RELT: variants seen among roughly 807,000 people sequenced by gnomAD.
The protein encoded by RELT is tumor necrosis factor receptor superfamily member 19L.
A neutral mutation model predicts 51.1 loss-of-function variants in RELT; 37 were observed. That is an observed-to-expected ratio of 0.72 (90% CI 0.56 to 0.95). RELT has a LOEUF of 0.95. Among genes scored for constraint, RELT ranks in the 40% least tolerant of loss-of-function variants. The pLI is 0.00. For synonymous variants in RELT, 241 were observed against 235.7 expected, an observed-to-expected ratio of 1.02 and a Z score of -0.21; for missense variants, 535 against 572.6, an observed-to-expected ratio of 0.93 and a Z score of 0.67.
Position 73,392,362 on chromosome 11 carries a change from C to T in RELT, c.519C>T (p.Cys173=), listed in dbSNP as rs139753620. 323 of 1,613,868 alleles carry T rather than the reference C, an allele frequency of 2.0e-4. 1 individual carries two copies. In the African/African-American group the frequency reaches 3.5e-3, roughly 17 times the overall value. The stretch of plus-strand genomic sequence containing the variant: ...TCATCGCCATCGTCCCTGTCTTCTG[C>T]CTCATGGGGCTGTTGGGCATCCTGG... ...YAVIAIVPVF[C]LMGLLGILVC... is the part of the protein sequence containing the mutation. The change falls in exon 6 of 11, where the codon TGC becomes TGT. Residue 173 remains cysteine (C), a synonymous_variant. Transcript: ENST00000064780.
At position 73,394,673 on chromosome 11, in the gene RELT, G is replaced by T. The variant is rs1353109536; in HGVS notation, c.985G>T (p.Val329Phe). 6.2e-7 allele frequency: 1 copy of T among 1,613,674 alleles called. No individual in the cohort carries two copies. The highest frequency in any genetic ancestry group is 8.5e-7 in the Non-Finnish European group (1 of 1,180,014). The stretch of plus-strand genomic sequence containing the variant: ...CAGCCTTCTGCCTAACCCGACCAGG[G>T]TTCCCAAGGCCGGGGCCAAGGCAGG... ...VPSLLPNPTR[V>F]PKAGAKAGRQ... The change falls in exon 9 of 11, where the codon GTT becomes TTT. Residue 329 changes from valine (V) to phenylalanine (F), a missense_variant. Transcript: ENST00000064780. This position sits in a 1 kb window ranked among gnomAD's most constrained non-coding sequence, Gnocchi z 4.9.
At chr11:73,377,269 A>AGTGTGTGTGTGTGTGTGT (rs369117500) in intron 1 of RELT, among the ~76,000 whole-genome samples, 9,144 of 146,012 alleles carry the variant, frequency 0.063, 331 homozygotes, top group African/African-American at 0.067. Context: ...AAGTGGTGTC[A>AGTGTGTGTGTGTGTGTGT]GTGTGTGTGT....
intron 5 of RELT, 142 bp downstream of exon 5, chr11:73,391,365 G>C: frequency 1.3e-6 from 1 of 743,018 alleles, no homozygotes; most frequent in African/African-American, 1.8e-5. Context: ...GCAGCCAAAG[G>C]GTCTCCAGCA....
intron 4 of RELT, 52 bp from the exon 5 acceptor site, chr11:73,391,092 G>A: frequency 6.3e-7 from 1 of 1,584,112 alleles, no homozygotes; most frequent in Non-Finnish European, 8.7e-7. Flanking sequence ...CTCTCCTAAG[G>A]ATAGTGTTTG....
Position 73,397,427 on chromosome 11 carries a change from C to T in RELT, c.*1936C>T, listed in dbSNP as rs966299615. On this transcript the variant is annotated 3_prime_UTR_variant, in exon 11 of 11. Coordinates refer to ENST00000064780, the MANE Select transcript of RELT (RefSeq NM_152222.2). ...GGGCCGCATGTGGCCCAGGATATGG[C>T]TTTGAATGGGGCCTAACACAAATTC... 1 of 152,378 alleles carries T rather than the reference C, an allele frequency of 6.6e-6. No homozygotes were observed. The highest frequency in any genetic ancestry group is 2.1e-4 in the South Asian group (1 of 4,834). 9.4% of individuals were successfully genotyped at this position (152,378 alleles called of 1,614,324 possible).
intron 2 of RELT, 58 bp from the exon 3 acceptor site, chr11:73,390,493 C>A: frequency 1.3e-6 from 2 of 1,493,896 alleles, no homozygotes; most frequent in Non-Finnish European, 1.9e-6. Flanking sequence ...GGATAGATGA[C>A]CCCAGAGACC....
chr11:73,393,149 A>C (rs766743145), intron 6 of RELT: 46 of 998,976 alleles, frequency 4.6e-5, no homozygotes, highest in Middle Eastern at 1.0e-3. Flanking sequence ...TGGGAGCCAG[A>C]GACCCTTCTA....
intron 1 of RELT, among the ~76,000 whole-genome samples, chr11:73,382,573 T>C (rs1237327102): frequency 1.3e-5 from 2 of 152,160 alleles, no homozygotes; most frequent in Non-Finnish European, 2.9e-5. Flanking sequence ...GCAGTGGAGA[T>C]ACCAGGCCTG....
intron 1 of RELT, among the ~76,000 whole-genome samples, chr11:73,387,958 C>T (rs1331281177): frequency 2.0e-5 from 3 of 152,212 alleles, no homozygotes; most frequent in East Asian, 3.8e-4. Flanking sequence ...CAGCCTCGTG[C>T]CCCTGAAGCC....
intron 6 of RELT, chr11:73,393,553 C>A (rs1246405717): frequency 1.5e-6 from 2 of 1,369,002 alleles, no homozygotes; most frequent in Non-Finnish European, 1.9e-6. Context: ...TGACGCACCG[C>A]CCCCTCGCCC....
intron 1 of RELT, among the ~76,000 whole-genome samples, chr11:73,381,139 G>T (rs774259782): frequency 3.3e-5 from 5 of 152,188 alleles, no homozygotes; most frequent in Non-Finnish European, 5.9e-5. Flanking sequence ...AGGTCTGCTG[G>T]CCTTGAAGAC....
chr11:73,380,121 C>T (rs1318993697), intron 1 of RELT, among the ~76,000 whole-genome samples: 4 of 152,184 alleles, frequency 2.6e-5, no homozygotes, highest in African/African-American at 9.6e-5. Flanking sequence ...GTTTGGGGCA[C>T]CTGTGGGTAC....
intron 1 of RELT, among the ~76,000 whole-genome samples, chr11:73,380,452 C>G (rs1322724787): frequency 6.6e-6 from 1 of 152,188 alleles, no homozygotes; most frequent in Non-Finnish European, 1.5e-5. Context: ...GTGCCAGGCT[C>G]TGGGCCCAGC....
chr11:73,392,075 C>A, intron 5 of RELT, 136 bp from the exon 6 acceptor site: 1 of 1,020,112 alleles, frequency 9.8e-7, no homozygotes, highest in Non-Finnish European at 1.4e-6. Context: ...CTTTGCATCC[C>A]CAGCATGGCG....
intron 1 of RELT, among the ~76,000 whole-genome samples, chr11:73,380,729 G>C (rs1340946851): frequency 6.6e-6 from 1 of 152,214 alleles, no homozygotes; most frequent in East Asian, 1.9e-4. Context: ...CTTCTGTTAT[G>C]GGGCCAGCCC....
chr11:73,393,676 C>A (rs745714150), intron 6 of RELT, 161 bp from the exon 7 acceptor site: 14 of 1,586,430 alleles, frequency 8.8e-6, no homozygotes, highest in Non-Finnish European at 1.2e-5. Context: ...TTCTCTGAGC[C>A]TGGATCCCAC....
In RELT at chr11:73,394,539, T is replaced by G. The variant is rs1439533049; in HGVS notation, c.851T>G (p.Val284Gly). 1 of 1,611,652 alleles carries G rather than the reference T, an allele frequency of 6.2e-7. No homozygotes were observed. Residue 284 changes from valine to glycine, a missense_variant, in exon 9 of 11, where the codon GTG becomes GGG. Val to Gly is a moderately radical substitution (Grantham distance 109). Coordinates refer to ENST00000064780, the MANE Select transcript of RELT (RefSeq NM_152222.2). This position sits in a 1 kb window ranked among gnomAD's most constrained non-coding sequence, Gnocchi z 4.9. ...ICPHRHHLHT[V>G]QGLASLSGPC... Reference sequence around the variant, plus strand: ...CCGCACCGCCACCATCTCCACACCGTGCAGGGCCTGGCCTCGCTCTCTGGC... The same window carrying G: ...CCGCACCGCCACCATCTCCACACCGGGCAGGGCCTGGCCTCGCTCTCTGGC...
intron 9 of RELT, 43 bp from the exon 10 acceptor site, chr11:73,395,044 G>A (rs769354585): frequency 3.1e-5 from 47 of 1,530,970 alleles, no homozygotes; most frequent in East Asian, 4.5e-5. Context: ...TCTGTGCCCC[G>A]GGATCCCCGC....
chr11:73,377,785 G>GT (rs143063271), intron 1 of RELT, among the ~76,000 whole-genome samples: 2,420 of 151,366 alleles, frequency 0.016, 47 homozygotes, highest in African/African-American at 0.05. Flanking sequence ...ATCCTCTATT[G>GT]TTTTGGGTCA....
Sources: gnomAD v4.1 joint callset for allele counts (sites outside exome capture counted in the v4.1 genomes callset) on GRCh38, gnomAD v4.1.1 for gene constraint, Gnocchi (gnomAD v3.1) non-coding constraint, MANE v1.5 for transcripts, NCBI Gene and HGNC (gene_info 2026-07-23, HGNC 2026-07-21) for gene names.